Variants in AMBRA1 observed in about 807,000 individuals in gnomAD.
AMBRA1 encodes the protein activating molecule in BECN1-regulated autophagy protein 1.
Under a neutral mutation model 125.4 loss-of-function variants are expected in AMBRA1, and 47 were observed. The observed-to-expected ratio is 0.37, with a 90% confidence interval of 0.30 to 0.48. The LOEUF (loss-of-function observed/expected upper bound fraction) is 0.48, where lower values mean the gene tolerates loss of function less well. AMBRA1 is among the 20% of genes least tolerant of loss of function. AMBRA1 has a pLI of 0.99. For missense variants in AMBRA1, 1,331 were observed against 1,693.4 expected, an observed-to-expected ratio of 0.79 and a Z score of 3.76; for synonymous variants, 626 against 655.5, an observed-to-expected ratio of 0.95 and a Z score of 0.69.
chr11:46,543,251 C>T lies in AMBRA1; in HGVS notation c.766G>A (p.Val256Met). Residue 256 changes from valine (V) to methionine (M), a missense_variant, in exon 7 of 18, where the codon GTG becomes ATG. Val to Met is a conservative substitution (Grantham distance 21). This residue lies in a region of AMBRA1 where 689 missense variants were observed against 776.5 expected (regional missense o/e 0.89). Coordinates refer to ENST00000683756, the MANE Select transcript of AMBRA1 (RefSeq NM_001387011.1). Reference protein sequence around the residue: ...MLSSRSSGIQVGEQSTVQDSA... With the variant: ...MLSSRSSGIQMGEQSTVQDSA... The stretch of plus-strand genomic sequence containing the variant: ...TCTTGCACTGTGCTTTGCTCTCCCA[C>T]CTGGATGCCAGAAGAGCGGGAGGAC... 1 of 1,613,862 alleles carries T rather than the reference C, an allele frequency of 6.2e-7. No homozygotes were observed. Among genetic ancestry groups the T allele is most frequent in the South Asian group, 1.1e-5 (1 of 91,068 alleles).
At chr11:46,499,683 G>GTC (rs1204079869) in intron 9 of AMBRA1, among the ~76,000 whole-genome samples, 6 of 151,696 alleles carry the variant, frequency 4.0e-5, no homozygotes, top group Admixed American at 3.3e-4. Context: ...TTGAGATGGA[G>GTC]TCTCACTTTG....
chr11:46,445,075 AAAAAAAAAAC>A (rs1308544945), intron 11 of AMBRA1, among the ~76,000 whole-genome samples: 2 of 151,992 alleles, frequency 1.3e-5, no homozygotes, highest in East Asian at 1.9e-4. Context: ...GAAAAACAAA[AAAAAAAAAAC>A]AAAAAAAAAC....
intron 7 of AMBRA1, among the ~76,000 whole-genome samples, chr11:46,516,423 CTTTTTTTTTT>C (rs1162985350): frequency 4.1e-5 from 3 of 73,178 alleles, no homozygotes; most frequent in African/African-American, 5.1e-5. Context: ...AAAGATCTTT[CTTTTTTTTTT>C]TTTTTTTTTT....
Position 46,543,302 on chromosome 11 carries a change from G to A in AMBRA1, c.715C>T (p.Leu239Phe). 6.2e-7 allele frequency: 1 copy of A among 1,614,110 alleles called. No homozygotes were observed. The highest frequency in any genetic ancestry group is 8.5e-7 in the Non-Finnish European group (1 of 1,180,004). Residue 239 changes from leucine to phenylalanine, a missense_variant, in exon 7 of 18, where the codon CTC becomes TTC. Physicochemically the swap from Leu to Phe is conservative, Grantham distance 22. This residue lies in a region of AMBRA1 where 689 missense variants were observed against 776.5 expected (regional missense o/e 0.89). Transcript: ENST00000683756. ...AGCATGTGCAGGAAATTGTGGAGGA[G>A]AGGCGTCCGGCGAACTGGCTGTGAT... is the stretch of plus-strand genomic sequence containing the variant. ...LQSQPVRRTP[L>F]LHNFLHMLSS... is the part of the protein sequence containing the mutation.
chr11:46,501,004 G>A (rs992545651), intron 9 of AMBRA1, among the ~76,000 whole-genome samples: 5 of 152,174 alleles, frequency 3.3e-5, no homozygotes, highest in Non-Finnish European at 5.9e-5. Context: ...AGGCACGCAA[G>A]ACAAAGATCT....
At chr11:46,535,634 GA>G (rs1952437682) in intron 7 of AMBRA1, among the ~76,000 whole-genome samples, 2 of 151,834 alleles carry the variant, frequency 1.3e-5, no homozygotes, top group African/African-American at 4.8e-5. Flanking sequence ...TCTTTAAGGA[GA>G]AAAAAAATAC....
intron 11 of AMBRA1, among the ~76,000 whole-genome samples, chr11:46,492,347 G>A (rs939483283): frequency 3.3e-5 from 5 of 152,220 alleles, no homozygotes; most frequent in African/African-American, 1.2e-4. Flanking sequence ...ACAGCAGCTT[G>A]GTTAGAAATC....
intron 7 of AMBRA1, among the ~76,000 whole-genome samples, chr11:46,538,424 C>T (rs1182605120): frequency 6.6e-6 from 1 of 152,074 alleles, no homozygotes; most frequent in Non-Finnish European, 1.5e-5. Flanking sequence ...CTTTAAACCA[C>T]AATGCATATA....
At chr11:46,536,671 G>A (rs1317772002) in intron 7 of AMBRA1, among the ~76,000 whole-genome samples, 3 of 152,154 alleles carry the variant, frequency 2.0e-5, no homozygotes, top group South Asian at 2.1e-4. Context: ...TGTTTGGGCC[G>A]AGGCCTCCCT....
rs1952775930 is a variant in AMBRA1 at position 46,542,123 on chromosome 11, G to A, written c.1894C>T (p.Leu632=). The A allele has an allele frequency of 1.2e-6, 2 of 1,614,084 alleles. No individual in the cohort carries two copies. The highest frequency in any genetic ancestry group is 1.7e-6 in the Non-Finnish European group (2 of 1,179,976). The change falls in exon 7 of 18, where the codon CTG becomes TTG. Residue 632 remains leucine (L), a synonymous_variant. Transcript: ENST00000683756. This position sits in a 1 kb window ranked among gnomAD's most constrained non-coding sequence, Gnocchi z 5.9. The part of the protein sequence containing the change: ...TEGQTPSSSR[L]ELSSSASPQE... ...GGACTAGCAGAGCTGCTCAACTCCA[G>A]CCTGCTGGAGCTGGGCGTTTGGCCC...
chr11:46,472,253 T>C (rs1420036318), intron 11 of AMBRA1, among the ~76,000 whole-genome samples: 1 of 152,192 alleles, frequency 6.6e-6, no homozygotes, highest in Non-Finnish European at 1.5e-5. Context: ...GCAACTCCTT[T>C]TATTAAACTG....
chr11:46,415,621 G>A (rs1340375020), intron 15 of AMBRA1, among the ~76,000 whole-genome samples: 1 of 152,130 alleles, frequency 6.6e-6, no homozygotes. Flanking sequence ...CTTACATTTT[G>A]GGCCCTAAGG....
At chr11:46,497,041 G>A (rs1950657339) in intron 9 of AMBRA1, among the ~76,000 whole-genome samples, 1 of 151,926 alleles carries the variant, frequency 6.6e-6, no homozygotes, top group Non-Finnish European at 1.5e-5. Flanking sequence ...GAACCAGGAG[G>A]CGGAGGTTGC....
intron 11 of AMBRA1, among the ~76,000 whole-genome samples, chr11:46,472,855 CA>C (rs1949657261): frequency 6.6e-6 from 1 of 152,190 alleles, no homozygotes. Context: ...GCTCACCAGG[CA>C]AACTCCACAC....
chr11:46,422,424 A>C (rs556083806), intron 14 of AMBRA1, among the ~76,000 whole-genome samples: 3 of 152,136 alleles, frequency 2.0e-5, no homozygotes, highest in Non-Finnish European at 4.4e-5. Flanking sequence ...AGTAGAAGAC[A>C]ATGATTGCTC....
intron 17 of AMBRA1, among the ~76,000 whole-genome samples, chr11:46,399,575 G>T (rs1427645477): frequency 6.6e-6 from 1 of 152,054 alleles, no homozygotes; most frequent in African/African-American, 2.4e-5. Context: ...ATGTTGGCCA[G>T]GCTGCTCTCG....
intron 11 of AMBRA1, among the ~76,000 whole-genome samples, chr11:46,443,974 C>T (rs1438523996): frequency 2.0e-5 from 3 of 152,148 alleles, no homozygotes; most frequent in African/African-American, 4.8e-5. Flanking sequence ...ACACCATTAA[C>T]ACAGAAAAGC....
chr11:46,555,081 C>A (rs1307609115), intron 1 of AMBRA1, among the ~76,000 whole-genome samples: 1 of 152,048 alleles, frequency 6.6e-6, no homozygotes, highest in Admixed American at 6.6e-5. Flanking sequence ...CTTAAAAAAA[C>A]AAACAAACAA....
At chr11:46,403,405 T>A (rs1409162221) in intron 17 of AMBRA1, among the ~76,000 whole-genome samples, 3 of 152,224 alleles carry the variant, frequency 2.0e-5, no homozygotes, top group African/African-American at 4.8e-5. Flanking sequence ...TCAGATGACC[T>A]TTGCTACGGG....
Sources: allele counts gnomAD v4.1 joint callset (sites outside exome capture counted in the v4.1 genomes callset), GRCh38; gene constraint gnomAD v4.1.1; regional missense constraint gnomAD v4.1.1; non-coding constraint Gnocchi (gnomAD v3.1); transcripts MANE v1.5; gene names NCBI Gene and HGNC (gene_info 2026-07-23, HGNC 2026-07-21).